TBC1D2B: variants seen among roughly 807,000 people sequenced by gnomAD.
The protein encoded by TBC1D2B is TBC1 domain family member 2B, also known as TBC1 domain family, member 2B.
TBC1D2B carries 64 observed loss-of-function variants against 100.8 expected under a neutral mutation model. The ratio of observed to expected loss-of-function variants is 0.64; its 90% CI spans 0.52 to 0.78. TBC1D2B has a LOEUF of 0.78. TBC1D2B is among the 30% of genes least tolerant of loss of function. The pLI is 0.00. For missense variants in TBC1D2B, 1,052 were observed against 1,218.4 expected (o/e 0.86, Z 2.03); for synonymous variants, 480 against 479.7 (o/e 1.00, Z -0.01).
chr15:78,069,134 C>T (rs1455810578), intron 1 of TBC1D2B, among the ~76,000 whole-genome samples: 1 of 152,234 alleles, frequency 6.6e-6, no homozygotes, highest in Non-Finnish European at 1.5e-5. Context: ...CCACCCCCCT[C>T]AGACGTGAGG....
chr15:78,012,809 T>C lies in TBC1D2B; in HGVS notation c.2270+14A>G. ...CCTAATGGCAAATGGGAACATTTTG[T>C]GCTGTGCACCCACCTGTTTAGGCCT... On this transcript the variant is annotated intron_variant, in intron 9 of 12. Transcript: ENST00000300584. 1 of 1,456,446 alleles carries C rather than the reference T, an allele frequency of 6.9e-7. No individual in the cohort carries two copies. The highest frequency in any genetic ancestry group is 9.1e-7 in the Non-Finnish European group (1 of 1,102,452). 90.2% of individuals were successfully genotyped at this position (1,456,446 alleles called of 1,614,324 possible).
At chr15:78,009,855 G>A (rs1455139354) in intron 9 of TBC1D2B, among the ~76,000 whole-genome samples, 1 of 151,736 alleles carries the variant, frequency 6.6e-6, no homozygotes, top group Non-Finnish European at 1.5e-5. Flanking sequence ...GGCGCCTGTA[G>A]TCCAAGCTAC....
intron 10 of TBC1D2B, among the ~76,000 whole-genome samples, chr15:78,005,342 A>G (rs1273651305): frequency 1.3e-5 from 2 of 152,202 alleles, no homozygotes; most frequent in African/African-American, 4.8e-5. Flanking sequence ...CAAAGCATGG[A>G]ATGAATGGAA....
intron 9 of TBC1D2B, among the ~76,000 whole-genome samples, 164 bp from the exon 10 acceptor site, chr15:78,009,278 T>C (rs1423286497): frequency 6.6e-6 from 1 of 152,164 alleles, no homozygotes; most frequent in Non-Finnish European, 1.5e-5. Context: ...CTCACGCCTA[T>C]TATACTAGCA....
At chr15:78,020,112 G>T (rs1010060472) in intron 6 of TBC1D2B, among the ~76,000 whole-genome samples, 1 of 152,104 alleles carries the variant, frequency 6.6e-6, no homozygotes, top group Non-Finnish European at 1.5e-5. Flanking sequence ...CAAACTCTTG[G>T]CCTTAAGTGA....
At chr15:78,016,511 G>T in intron 8 of TBC1D2B, 35 bp downstream of exon 8, 4 of 1,594,964 alleles carry the variant, frequency 2.5e-6, no homozygotes, top group East Asian at 2.2e-5. Context: ...TCAGAAATGG[G>T]GTGCACTACC....
chr15:78,064,495 G>A (rs1213509425), intron 1 of TBC1D2B, among the ~76,000 whole-genome samples: 2 of 152,194 alleles, frequency 1.3e-5, no homozygotes, highest in African/African-American at 2.4e-5. Flanking sequence ...TGCGATGGCT[G>A]CTCATAATGA....
At chr15:78,038,143 A>C (rs556118795) in intron 3 of TBC1D2B, among the ~76,000 whole-genome samples, 1 of 151,944 alleles carries the variant, frequency 6.6e-6, no homozygotes, top group South Asian at 2.1e-4. Flanking sequence ...TTCCCTCATC[A>C]CTCTTCCTCA....
intron 1 of TBC1D2B, among the ~76,000 whole-genome samples, chr15:78,075,624 G>C (rs913055982): frequency 6.6e-6 from 1 of 152,206 alleles, no homozygotes; most frequent in Non-Finnish European, 1.5e-5. Flanking sequence ...CTGAGGAAGA[G>C]CCTCTGCCTT....
chr15:78,009,233 C>T (rs1040902568), intron 9 of TBC1D2B, 119 bp from the exon 10 acceptor site: 2 of 678,356 alleles, frequency 2.9e-6, no homozygotes, highest in African/African-American at 3.6e-5. Context: ...ATTTCTAGTT[C>T]TCCAATAAAG....
At position 77,997,542 on chromosome 15, in the gene TBC1D2B, TG is replaced by T. The variant is rs1472593032; in HGVS notation, c.*617del. On this transcript the variant is annotated 3_prime_UTR_variant, in exon 13 of 13. Coordinates refer to ENST00000300584, the MANE Select transcript of TBC1D2B (RefSeq NM_144572.2). ...AAGACACTGATGGAAGGGTTGCGTG[TG>T]GAAGAGCAAAGGCTATTCTAGAAAT... is the stretch of plus-strand genomic sequence containing the variant. The T allele has an allele frequency of 6.6e-6, 1 of 152,310 alleles. No homozygotes were observed. Among genetic ancestry groups the T allele is most frequent in the Non-Finnish European group, 1.5e-5 (1 of 68,080 alleles). The allele number at this position is 152,310 out of a possible 1,614,324, so 9.4% of individuals were successfully genotyped here.
intron 3 of TBC1D2B, among the ~76,000 whole-genome samples, chr15:78,038,713 A>G (rs538734348): frequency 2.2e-4 from 34 of 152,272 alleles, no homozygotes; most frequent in Middle Eastern, 3.4e-3. Flanking sequence ...ACATGGCCCA[A>G]TTGCTCCCTT....
At chr15:78,066,116 TC>T (rs2141837593) in intron 1 of TBC1D2B, 1 of 470,126 alleles carries the variant, frequency 2.1e-6, no homozygotes, top group East Asian at 7.0e-5. Flanking sequence ...GGAGCCTCCC[TC>T]TGAATGCTCA....
intron 9 of TBC1D2B, among the ~76,000 whole-genome samples, chr15:78,011,349 A>G (rs2072218093): frequency 6.6e-6 from 1 of 152,210 alleles, no homozygotes; most frequent in Admixed American, 6.5e-5. Flanking sequence ...ATGGAGCAGG[A>G]GCAAAAAAGG....
chr15:78,037,811 A>C (rs943845034), intron 3 of TBC1D2B, among the ~76,000 whole-genome samples: 7 of 152,222 alleles, frequency 4.6e-5, no homozygotes, highest in African/African-American at 1.7e-4. Context: ...GCTTTACTAC[A>C]TGTAGCAGTG....
intron 11 of TBC1D2B, chr15:78,002,880 C>A: frequency 5.8e-6 from 1 of 171,976 alleles, no homozygotes. Context: ...AAAAAACATA[C>A]AACAGAGCGG....
chr15:78,013,433 T>A (rs543800074), intron 8 of TBC1D2B, 116 bp from the exon 9 acceptor site: 35 of 976,080 alleles, frequency 3.6e-5, no homozygotes, highest in Middle Eastern at 2.8e-4. Flanking sequence ...CTTTGAACTA[T>A]GAGAAGCATT....
chr15:78,052,902 G>T (rs1165260656), intron 2 of TBC1D2B, among the ~76,000 whole-genome samples: 5 of 152,160 alleles, frequency 3.3e-5, no homozygotes, highest in Non-Finnish European at 7.3e-5. Flanking sequence ...GCATAAAGTT[G>T]AAAATAAAGG....
chr15:78,035,180 C>T (rs973360044), intron 3 of TBC1D2B, among the ~76,000 whole-genome samples: 1 of 152,184 alleles, frequency 6.6e-6, no homozygotes, highest in Admixed American at 6.5e-5. Context: ...AAAACAGCAC[C>T]TTGTCAGGGG....
Sources: gnomAD v4.1 joint callset for allele counts (sites outside exome capture counted in the v4.1 genomes callset) on GRCh38, gnomAD v4.1.1 for gene constraint, MANE v1.5 for transcripts, NCBI Gene and HGNC (gene_info 2026-07-23, HGNC 2026-07-21) for gene names.